COL1A2: variants seen among roughly 807,000 people sequenced by gnomAD.
COL1A2 encodes collagen type I alpha 2 chain.
A neutral mutation model predicts 174.3 loss-of-function variants in COL1A2; 49 were observed. The ratio of observed to expected loss-of-function variants is 0.28; its 90% CI spans 0.22 to 0.36. The LOEUF (loss-of-function observed/expected upper bound fraction) is 0.36, where lower values mean the gene tolerates loss of function less well. Among genes scored for constraint, COL1A2 ranks in the 10% least tolerant of loss-of-function variants. The pLI, the probability that COL1A2 is intolerant of heterozygous loss-of-function variation, is 1.00. For synonymous variants in COL1A2, 655 were observed against 606.6 expected, an observed-to-expected ratio of 1.08 and a Z score of -1.17; for missense variants, 1,438 against 1,822.7, an observed-to-expected ratio of 0.79 and a Z score of 3.84.
At chr7:94,405,030 T>C (rs191116216) in intron 9 of COL1A2, 138 bp downstream of exon 9, 1 of 1,146,286 alleles carries the variant, frequency 8.7e-7, no homozygotes, top group East Asian at 2.5e-5. Context: ...GAAATATTAT[T>C]TTAATGAAAT....
intron 23 of COL1A2, 46 bp from the exon 24 acceptor site, chr7:94,412,022 T>A: frequency 6.6e-7 from 1 of 1,512,272 alleles, no homozygotes; most frequent in Non-Finnish European, 9.1e-7. Context: ...GGCTTGAGTA[T>A]GTAAGTTAAA....
intron 30 of COL1A2, 132 bp from the exon 31 acceptor site, chr7:94,416,273 C>G (rs1433549153): frequency 1.1e-5 from 8 of 732,918 alleles, no homozygotes; most frequent in East Asian, 8.1e-5. Context: ...AGATTAGGAA[C>G]AAAAGAAATT....
chr7:94,414,187 A>G lies in COL1A2; in HGVS notation c.1666-35A>G, dbSNP rs753453601. 4.3e-6 allele frequency: 7 copies of G among 1,611,566 alleles called. No individual in the cohort carries two copies. In the African/African-American group the frequency reaches 5.3e-5, roughly 12 times the overall value. ...ATTAGCAAATCTCCTGAACGTAGCC[A>G]TGGGATTGAGATTTGTATTTCTTTT... On this transcript the variant is annotated intron_variant, in intron 28 of 51. Transcript: ENST00000297268.
chr7:94,419,631 C>T lies in COL1A2; in HGVS notation c.2079+80C>T, dbSNP rs904795407. The T allele has an allele frequency of 4.1e-6, 6 of 1,474,572 alleles. No homozygotes were observed. In the African/African-American group the frequency reaches 8.3e-5, roughly 20 times the overall value. The allele number at this position is 1,474,572 out of a possible 1,614,324, so 91.3% of individuals were successfully genotyped here. A position where few individuals can be genotyped will look rare whatever the true frequency, so the allele number is the denominator to read the frequency against. ...CTAGTCCCAAAGAGCCCCAGCAATT[C>T]ATTTTTATGGCTTGGTATAAAGCCT... On this transcript the variant is annotated intron_variant, in intron 34 of 51. Coordinates refer to ENST00000297268, the MANE Select transcript of COL1A2 (RefSeq NM_000089.4).
chr7:94,423,389 A>T (rs1792209086), intron 40 of COL1A2: 1 of 461,584 alleles, frequency 2.2e-6, no homozygotes, highest in Non-Finnish European at 4.0e-6. Flanking sequence ...TGGTACCAGG[A>T]TTAGAACAGA....
At chr7:94,428,588 C>T (rs557711146) in intron 50 of COL1A2, 111 bp downstream of exon 50, 1 of 1,050,692 alleles carries the variant, frequency 9.5e-7, no homozygotes, top group African/African-American at 1.6e-5. Context: ...TAAAAAAAGA[C>T]CTGTTCCTTT....
In COL1A2 at chr7:94,400,208, C is replaced by A. The variant is rs760571966; in HGVS notation, c.145C>A (p.Pro49Thr). The change falls in exon 5 of 52, where the codon CCC (proline) becomes ACC (threonine). Residue 49 changes from proline (P) to threonine (T), a missense_variant. By Grantham distance (38) the Pro-to-Thr change is conservative (BLOSUM62 -1). This residue lies in a region of COL1A2 where 281 missense variants were observed against 310.9 expected (regional missense o/e 0.90). Transcript: ENST00000297268. ...TTTTACATAACAGGGTCCACCAGGC[C>A]CCCCAGGCAGAGATGGTGAAGATGG... Reference protein sequence around the residue: ...GPRGERGPPGPPGRDGEDGPT... With the variant: ...GPRGERGPPGTPGRDGEDGPT... 5.0e-6 allele frequency: 8 copies of A among 1,613,368 alleles called. No homozygotes were observed. In the Admixed American group the frequency reaches 6.7e-5, roughly 13 times the overall value.
chr7:94,423,269 C>T (rs1792206809), intron 40 of COL1A2, 151 bp downstream of exon 40: 3 of 881,596 alleles, frequency 3.4e-6, no homozygotes, highest in South Asian at 1.5e-5. Context: ...CCAGCACACA[C>T]TGAGGGGCTG....
In COL1A2 at chr7:94,426,317, A is replaced by T. The variant is rs1192902895; in HGVS notation, c.2998-106A>T. ...GAGGTGAGAGCCTAGCTAAACCATT[A>T]CATGTCCTGAGTTACCTTTGTAAAC... On this transcript the variant is annotated intron_variant, in intron 45 of 51. Coordinates refer to ENST00000297268, the MANE Select transcript of COL1A2 (RefSeq NM_000089.4). 26 of 1,077,170 alleles carry T rather than the reference A, an allele frequency of 2.4e-5. No individual in the cohort carries two copies. The East Asian group carries it at 6.5e-4, about 27-fold the overall frequency. The allele number at this position is 1,077,170 out of a possible 1,614,324, so 66.7% of individuals were successfully genotyped here. A position where few individuals can be genotyped will look rare whatever the true frequency, so the allele number is the denominator to read the frequency against.
Position 94,421,042 on chromosome 7 carries a change from C to A in COL1A2, c.2329C>A (p.Arg777Ser). ...TGGTCCCCCCGGTCCTGCTGGAAGT[C>A]GTGGTGATGGAGGCCCCCCTGTGAG... ...PNGPPGPAGS[R>S]GDGGPPGMTG... is the part of the protein sequence containing the mutation. The change falls in exon 38 of 52, where the codon CGT becomes AGT. Residue 777 changes from arginine (R) to serine (S), a missense_variant. Transcript: ENST00000297268. 1.2e-6 allele frequency: 2 copies of A among 1,614,124 alleles called. No individual in the cohort carries two copies. Among genetic ancestry groups the A allele is most frequent in the Non-Finnish European group, 1.7e-6 (2 of 1,180,024 alleles).
intron 42 of COL1A2, 63 bp from the exon 43 acceptor site, chr7:94,425,547 A>C: frequency 6.6e-7 from 1 of 1,524,116 alleles, no homozygotes; most frequent in Admixed American, 1.7e-5. Context: ...AGTAGCTACA[A>C]CATAGGGGCT....
Position 94,395,059 on chromosome 7 carries a change from T to A in COL1A2, c.28T>A (p.Leu10Met). 6.2e-7 allele frequency: 1 copy of A among 1,614,086 alleles called. No individual in the cohort carries two copies. The highest frequency in any genetic ancestry group is 8.5e-7 in the Non-Finnish European group (1 of 1,180,014). Residue 10 changes from leucine (L) to methionine (M), a missense_variant, in exon 1 of 52, where the codon TTG (leucine) becomes ATG (methionine). Physicochemically the swap from Leu to Met is conservative, Grantham distance 15 (BLOSUM62 2). Around this residue, in one of 3 missense-constraint regions of COL1A2, gnomAD observed 281 missense variants for 310.9 expected, o/e 0.90. Transcript: ENST00000297268. MLSFVDTRT[L>M]LLLAVTLCLA... The stretch of plus-strand genomic sequence containing the variant: ...GCTCAGCTTTGTGGATACGCGGACT[T>A]TGTTGCTGCTTGCAGTAACCTTATG...
chr7:94,398,068 A>G (rs569827254), intron 2 of COL1A2, among the ~76,000 whole-genome samples: 15 of 152,268 alleles, frequency 9.9e-5, no homozygotes, highest in Middle Eastern at 3.4e-3. Context: ...TCACTGAGCT[A>G]GAGAATCTTT....
In COL1A2 at chr7:94,419,521, C is replaced by T; in HGVS notation, c.2049C>T (p.Ala683=). 2 of 1,613,994 alleles carry T rather than the reference C, an allele frequency of 1.2e-6. No homozygotes were observed. Among genetic ancestry groups the T allele is most frequent in the South Asian group, 1.1e-5 (1 of 91,068 alleles). ...GARGAPGAVG[A]PGPAGATGDR... The stretch of plus-strand genomic sequence containing the variant: ...AGGGTGCTCCTGGTGCTGTAGGTGC[C>T]CCTGGTCCTGCTGGAGCCACAGGTG... The change falls in exon 34 of 52, where the codon GCC becomes GCT. Residue 683 remains alanine, a synonymous_variant. Coordinates refer to ENST00000297268, the MANE Select transcript of COL1A2 (RefSeq NM_000089.4).
chr7:94,413,200 T>G (rs1791968006), intron 26 of COL1A2, 64 bp downstream of exon 26: 4 of 1,472,978 alleles, frequency 2.7e-6, no homozygotes, highest in East Asian at 2.3e-5. Context: ...CACTTTTTTT[T>G]TTACACCATC....
intron 31 of COL1A2, chr7:94,417,492 A>G (rs1035768946): frequency 1.9e-6 from 1 of 532,618 alleles, no homozygotes; most frequent in East Asian, 3.6e-5. Context: ...AGCAGGTTAT[A>G]GAGGAATCGC....
At chr7:94,406,135 A>T in intron 11 of COL1A2, 115 bp from the exon 12 acceptor site, 1 of 1,043,724 alleles carries the variant, frequency 9.6e-7, no homozygotes, top group Non-Finnish European at 1.5e-6. Flanking sequence ...ACTTCTTTCT[A>T]CTGCAGCAGA....
intron 40 of COL1A2, 137 bp from the exon 41 acceptor site, chr7:94,424,199 C>A (rs1374075662): frequency 1.4e-6 from 1 of 712,094 alleles, no homozygotes; most frequent in Non-Finnish European, 2.5e-6. Flanking sequence ...GAAAAGATAT[C>A]CAAGGATATG....
intron 15 of COL1A2, 104 bp from the exon 16 acceptor site, chr7:94,408,666 A>C: frequency 1.6e-6 from 2 of 1,244,526 alleles, no homozygotes; most frequent in Non-Finnish European, 2.3e-6. Flanking sequence ...TTACTAATAT[A>C]AACAGTGTCA....
Sources: gnomAD v4.1 joint callset for allele counts (sites outside exome capture counted in the v4.1 genomes callset) on GRCh38, gnomAD v4.1.1 for gene constraint, gnomAD v4.1.1 regional missense constraint, MANE v1.5 for transcripts, NCBI Gene and HGNC (gene_info 2026-07-23, HGNC 2026-07-21) for gene names.